The following SMIM35 variants were observed in gnomAD, a reference collection of about 807,000 sequenced individuals.
The protein encoded by SMIM35 is TMPRSS4 antisense RNA 1 (non-protein coding).
chr11:118,067,845 C>G (rs55773111), intron 1 of SMIM35, among the ~76,000 whole-genome samples: 4,430 of 109,394 alleles, frequency 0.04, 196 homozygotes, highest in African/African-American at 0.12. Context: ...AAAACAACCA[C>G]AAAACAACAA....
chr11:118,068,911 T>A (rs912492184), intron 1 of SMIM35, among the ~76,000 whole-genome samples: 1 of 152,164 alleles, frequency 6.6e-6, no homozygotes, highest in Non-Finnish European at 1.5e-5. Context: ...ACCAGCATTA[T>A]CAATACATTA....
chr11:118,020,669 T>C (rs7944128), intron 1 of SMIM35, among the ~76,000 whole-genome samples: 14,599 of 152,194 alleles, frequency 0.096, 976 homozygotes, highest in East Asian at 0.37. Context: ...GTTTTGTGTA[T>C]ATTGGTTTTC....
chr11:118,073,080 G>A lies in SMIM35; in HGVS notation c.7+13671C>T, dbSNP rs138844106. Among the ~76,000 whole-genome samples, 970 of 152,292 alleles carry A rather than the reference G, an allele frequency of 6.4e-3. 9 individuals carry two copies. Among genetic ancestry groups the A allele is most frequent in the African/African-American group, 0.02 (851 of 41,560 alleles). On this transcript the variant is annotated intron_variant, in intron 1 of 4. Transcript: ENST00000689828. ...TTACAGGCACCCTCCACCACGCCCG[G>A]CTAATTTTTTTGGTATTTTTAGTAG...
At position 118,034,062 on chromosome 11, in the gene SMIM35, G is replaced by C. The variant is rs185898069; in HGVS notation, c.8-18253C>G. On this transcript the variant is annotated intron_variant, in intron 1 of 4. Coordinates refer to ENST00000689828, the MANE Select transcript of SMIM35 (RefSeq NM_001394165.1). ...GCGGGCAGATGACCTGAGGTCAGGA[G>C]TTCAAGACCAGCCTGACCAACATGG... 1.9e-4 allele frequency among the ~76,000 whole-genome samples: 29 copies of C among 152,238 alleles called. No homozygotes were observed. The East Asian group carries it at 5.2e-3, about 27-fold the overall frequency.
rs190506836 is a variant in SMIM35, at chr11:118,060,321, C to T, written c.7+26430G>A. Among the ~76,000 whole-genome samples, 7 of 152,342 alleles carry T rather than the reference C, an allele frequency of 4.6e-5. No individual in the cohort carries two copies. The East Asian group carries it at 1.4e-3, about 29-fold the overall frequency. On this transcript the variant is annotated intron_variant, in intron 1 of 4. Transcript: ENST00000689828. Reference sequence around the variant, plus strand: ...CTGACAAGAGTCTCAGCCCCACTTCCCATGCTGTGAGTGTGAGCACCCACT... The same window carrying T: ...CTGACAAGAGTCTCAGCCCCACTTCTCATGCTGTGAGTGTGAGCACCCACT...
At chr11:118,078,140 C>G (rs1258232091) in intron 1 of SMIM35, among the ~76,000 whole-genome samples, 2 of 151,666 alleles carry the variant, frequency 1.3e-5, no homozygotes, top group Non-Finnish European at 2.9e-5. Context: ...CCCTCACCCT[C>G]TCTCCTCCTC....
chr11:118,078,136 C>T (rs959107146), intron 1 of SMIM35, among the ~76,000 whole-genome samples: 49 of 152,036 alleles, frequency 3.2e-4, no homozygotes, highest in African/African-American at 1.2e-3. Context: ...CATGCCCTCA[C>T]CCTCTCTCCT....
At chr11:118,062,343 C>T (rs558468914) in intron 1 of SMIM35, among the ~76,000 whole-genome samples, 12 of 152,140 alleles carry the variant, frequency 7.9e-5, no homozygotes, top group Non-Finnish European at 1.3e-4. Flanking sequence ...AACAAACAAA[C>T]AAAAGTGGGT....
intron 1 of SMIM35, among the ~76,000 whole-genome samples, chr11:118,058,769 CG>C (rs929185480): frequency 2.8e-4 from 43 of 152,078 alleles, no homozygotes; most frequent in African/African-American, 1.0e-3. Flanking sequence ...GAGCCCAGCT[CG>C]GGGGGCCTGG....
chr11:118,086,480 C>A (rs1447236475), intron 1 of SMIM35, among the ~76,000 whole-genome samples: 1 of 152,256 alleles, frequency 6.6e-6, no homozygotes. Flanking sequence ...AATAATGACT[C>A]AACGCAAGGC....
In SMIM35 at chr11:118,080,368, G is replaced by T. The variant is rs565013159; in HGVS notation, c.7+6383C>A. 2.6e-5 allele frequency among the ~76,000 whole-genome samples: 4 copies of T among 152,284 alleles called. No homozygotes were observed. In the East Asian group the frequency reaches 7.7e-4, roughly 29 times the overall value. On this transcript the variant is annotated intron_variant, in intron 1 of 4. Coordinates refer to ENST00000689828, the MANE Select transcript of SMIM35 (RefSeq NM_001394165.1). ...GGTAGTATAGGGACAACAGGCTCTC[G>T]CTGTGGCTGGAGCAAAGACTCCGGC...
rs1272766423 is a variant in SMIM35, at chr11:118,004,646, A to G, written c.*1764T>C. The stretch of plus-strand genomic sequence containing the variant: ...AGCTCATAGCCCTTAGTGTGAAGGT[A>G]AGGACGCCGGCTTGGAGAAGATCCC... On this transcript the variant is annotated 3_prime_UTR_variant, in exon 5 of 5. Transcript: ENST00000689828. 2.0e-5 allele frequency: 3 copies of G among 152,178 alleles called. No homozygotes were observed. The highest frequency in any genetic ancestry group is 7.2e-5 in the African/African-American group (3 of 41,440). The allele number at this position is 152,178 out of a possible 1,614,324, so 9.4% of individuals were successfully genotyped here. A position where few individuals can be genotyped will look rare whatever the true frequency, so the allele number is the denominator to read the frequency against.
intron 1 of SMIM35, among the ~76,000 whole-genome samples, chr11:118,074,590 T>C (rs894738991): frequency 5.3e-5 from 8 of 151,708 alleles, no homozygotes; most frequent in African/African-American, 1.5e-4. Flanking sequence ...CTACAAAAAA[T>C]ACAAAAATAA....
At chr11:118,045,812 T>C (rs949931132) in intron 1 of SMIM35, among the ~76,000 whole-genome samples, 4 of 152,216 alleles carry the variant, frequency 2.6e-5, no homozygotes, top group African/African-American at 4.8e-5. Flanking sequence ...GCAGATCTTT[T>C]TAACTCTTGA....
intron 1 of SMIM35, among the ~76,000 whole-genome samples, chr11:118,039,999 T>C (rs1451086293): frequency 1.4e-5 from 2 of 145,326 alleles, no homozygotes; most frequent in African/African-American, 5.1e-5. Context: ...GAGCTGAGAT[T>C]GCACCACTGT....
rs991183104 is a variant in SMIM35 at position 118,078,968 on chromosome 11, G to A, written c.7+7783C>T. Among the ~76,000 whole-genome samples the A allele has an allele frequency of 3.3e-5, 5 of 152,152 alleles. 1 individual carries two copies. The highest frequency in any genetic ancestry group is 3.3e-4 in the Admixed American group (5 of 15,276). Reference sequence around the variant, plus strand: ...AGATGTAAGGACTTAGGACTAAAGAGGAGTCTGTGCTAGGAAATGACAGCT... The same window carrying A: ...AGATGTAAGGACTTAGGACTAAAGAAGAGTCTGTGCTAGGAAATGACAGCT... On this transcript the variant is annotated intron_variant, in intron 1 of 4. Coordinates refer to ENST00000689828, the MANE Select transcript of SMIM35 (RefSeq NM_001394165.1).
rs183621639 is a variant in SMIM35, at chr11:118,061,335, G to T, written c.7+25416C>A. On this transcript the variant is annotated intron_variant, in intron 1 of 4. Coordinates refer to ENST00000689828, the MANE Select transcript of SMIM35 (RefSeq NM_001394165.1). ...GGAGAAAATAATGCCCACCTCACAA[G>T]ATTGAAAAGATTGGATGATCGATTC... Among the ~76,000 whole-genome samples, 249 of 152,352 alleles carry T rather than the reference G, an allele frequency of 1.6e-3. 3 individuals are homozygous for T. Among genetic ancestry groups the T allele is most frequent in the South Asian group, 6.6e-3 (32 of 4,828 alleles).
intron 1 of SMIM35, chr11:118,077,421 A>G: frequency 7.8e-7 from 1 of 1,288,048 alleles, no homozygotes; most frequent in East Asian, 2.8e-5. Context: ...TTCTAGGTTA[A>G]AAAAAGAGGC....
intron 1 of SMIM35, among the ~76,000 whole-genome samples, chr11:118,022,338 C>T (rs111610911): frequency 0.043 from 6,519 of 152,156 alleles, 449 homozygotes; most frequent in African/African-American, 0.15. Context: ...CGTGAGCCAC[C>T]GCCCCTGGCC....
Sources: allele counts gnomAD v4.1 joint callset (sites outside exome capture counted in the v4.1 genomes callset), GRCh38; gene constraint gnomAD v4.1.1; transcripts MANE v1.5; gene names NCBI Gene and HGNC (gene_info 2026-07-23, HGNC 2026-07-21).